The following CYYR1 variants were observed in gnomAD, a reference collection of about 807,000 sequenced individuals.
The protein encoded by CYYR1 is cysteine and tyrosine rich 1, also known as cysteine and tyrosine-rich protein 1.
A neutral mutation model predicts 15.2 loss-of-function variants in CYYR1; 14 were observed. That is an observed-to-expected ratio of 0.92 (90% CI 0.61 to 1.44). The LOEUF (loss-of-function observed/expected upper bound fraction) is 1.44. CYYR1 is among the 40% of genes most tolerant of loss of function. CYYR1 has a pLI of 0.00. For missense variants in CYYR1, 228 were observed against 209.5 expected, an observed-to-expected ratio of 1.09 and a Z score of -0.54; for synonymous variants, 80 against 77.4, an observed-to-expected ratio of 1.03 and a Z score of -0.18.
At chr21:26,482,367 A>C in intron 2 of CYYR1, 1 of 985,338 alleles carries the variant, frequency 1.0e-6, no homozygotes, top group Non-Finnish European at 1.2e-6. Context: ...CATTATCAGT[A>C]GCTTTTTCAT....
At chr21:26,527,363 C>T (rs1383863594) in intron 2 of CYYR1, among the ~76,000 whole-genome samples, 5 of 152,046 alleles carry the variant, frequency 3.3e-5, no homozygotes, top group Non-Finnish European at 7.4e-5. Flanking sequence ...AAATTGATAC[C>T]TTTTAATTCT....
At chr21:26,488,238 C>CTACTTACTTACT (rs370044701) in intron 2 of CYYR1, among the ~76,000 whole-genome samples, 1 of 127,064 alleles carries the variant, frequency 7.9e-6, no homozygotes, top group Non-Finnish European at 1.6e-5. Context: ...ACATCTTCCC[C>CTACTTACTTACT]TACTTCCTTC....
chr21:26,544,079 C>T (rs529500152), intron 2 of CYYR1, among the ~76,000 whole-genome samples: 1 of 152,198 alleles, frequency 6.6e-6, no homozygotes, highest in African/African-American at 2.4e-5. Flanking sequence ...CACTAACATA[C>T]CATTTCTAAC....
intron 2 of CYYR1, among the ~76,000 whole-genome samples, chr21:26,487,812 ATAGT>A (rs2065271140): frequency 6.6e-6 from 1 of 151,956 alleles, no homozygotes. Flanking sequence ...ATAATATCGA[ATAGT>A]TAAATTGTTA....
At chr21:26,480,610 A>G (rs2065166543) in intron 2 of CYYR1, among the ~76,000 whole-genome samples, 181 bp from the exon 3 acceptor site, 1 of 151,804 alleles carries the variant, frequency 6.6e-6, no homozygotes, top group African/African-American at 2.4e-5. Flanking sequence ...GATAAAGCAA[A>G]TAGTCTGTAT....
At chr21:26,562,687 A>T (rs1258306326) in intron 2 of CYYR1, among the ~76,000 whole-genome samples, 1 of 151,512 alleles carries the variant, frequency 6.6e-6, no homozygotes, top group Non-Finnish European at 1.5e-5. Flanking sequence ...CTCTGATCAG[A>T]TTCCATGTTG....
At chr21:26,478,214 C>T in intron 3 of CYYR1, 1 of 1,517,962 alleles carries the variant, frequency 6.6e-7, no homozygotes. Context: ...ATTAAAAGCA[C>T]TCTGGATAAA....
rs1186630807 is a variant in CYYR1 at position 26,466,471 on chromosome 21, A to T, written c.*2030T>A. Reference sequence around the variant, plus strand: ...GGCTTATGGGTTTGTAAAATGCCTTAAGGGAGGCCATAAACAACTCAAAGA... The same window carrying T: ...GGCTTATGGGTTTGTAAAATGCCTTTAGGGAGGCCATAAACAACTCAAAGA... On this transcript the variant is annotated 3_prime_UTR_variant, in exon 4 of 4. Transcript: ENST00000652641. The T allele has an allele frequency of 1.3e-5, 2 of 152,164 alleles. No homozygotes were observed. The highest frequency in any genetic ancestry group is 4.8e-5 in the African/African-American group (2 of 41,446). 9.4% of individuals were successfully genotyped at this position (152,164 alleles called of 1,614,324 possible).
intron 2 of CYYR1, among the ~76,000 whole-genome samples, chr21:26,556,656 G>A (rs1316174683): frequency 6.6e-6 from 1 of 152,114 alleles, no homozygotes; most frequent in Admixed American, 6.6e-5. Flanking sequence ...GACAGTGAAA[G>A]GGGAAGGGCT....
intron 2 of CYYR1, among the ~76,000 whole-genome samples, chr21:26,504,787 C>T (rs1340898668): frequency 6.6e-6 from 1 of 152,138 alleles, no homozygotes; most frequent in African/African-American, 2.4e-5. Flanking sequence ...TTTAACCATC[C>T]TCACCTCCAT....
chr21:26,513,231 C>T lies in CYYR1; in HGVS notation c.177-32802G>A, dbSNP rs529281174. Among the ~76,000 whole-genome samples, 146 of 152,314 alleles carry T rather than the reference C, an allele frequency of 9.6e-4. 1 individual carries two copies. The highest frequency in any genetic ancestry group is 3.3e-3 in the African/African-American group (137 of 41,560). On this transcript the variant is annotated intron_variant, in intron 2 of 3. Coordinates refer to ENST00000652641, the MANE Select transcript of CYYR1 (RefSeq NM_001320768.2). ...CCCTAACACACTTACCATATTCTGC[C>T]TTGTACGATCCTTAGTCTTGCACTC...
intron 3 of CYYR1, among the ~76,000 whole-genome samples, chr21:26,474,365 T>A (rs2065074078): frequency 6.6e-6 from 1 of 151,882 alleles, no homozygotes; most frequent in South Asian, 2.1e-4. Flanking sequence ...CCATGTGTTC[T>A]TTTCTAGCAC....
rs1468430057 is a variant in CYYR1, at chr21:26,573,202, T to C, written c.-262A>G. 2 of 1,441,782 alleles carry C rather than the reference T, an allele frequency of 1.4e-6. No homozygotes were observed. The highest frequency in any genetic ancestry group is 1.8e-6 in the Non-Finnish European group (2 of 1,091,506). 89.3% of individuals were successfully genotyped at this position (1,441,782 alleles called of 1,614,324 possible). ...CCCAGGTCTCTTTGTCTCGCCCCAC[T>C]GCGCTCAGGCGCGGGGAAGGCGGCC... is the stretch of plus-strand genomic sequence containing the variant. On this transcript the variant is annotated 5_prime_UTR_variant, in exon 1 of 4. Transcript: ENST00000652641.
At chr21:26,488,154 A>C (rs2065276210) in intron 2 of CYYR1, among the ~76,000 whole-genome samples, 1 of 152,142 alleles carries the variant, frequency 6.6e-6, no homozygotes, top group African/African-American at 2.4e-5. Flanking sequence ...GACAGAGACA[A>C]TTGTGTAACC....
chr21:26,549,862 ACCCT>A lies in CYYR1; in HGVS notation c.176+16400_176+16403del, dbSNP rs555799853. ...GAAAAAATGCAAATAACTTCATTTT[ACCCT>A]CCGTGTAAGTCAGTATAAACAGATT... On this transcript the variant is annotated intron_variant, in intron 2 of 3. Transcript: ENST00000652641. 9.2e-5 allele frequency among the ~76,000 whole-genome samples: 14 copies of A among 152,272 alleles called. No homozygotes were observed. The East Asian group carries it at 2.7e-3, about 29-fold the overall frequency.
chr21:26,533,054 G>A (rs2123613042), intron 2 of CYYR1, among the ~76,000 whole-genome samples: 1 of 151,472 alleles, frequency 6.6e-6, no homozygotes, highest in African/African-American at 2.4e-5. Context: ...AATACTTCTG[G>A]TCCCATGCAT....
chr21:26,527,179 T>G (rs2123587443), intron 2 of CYYR1, among the ~76,000 whole-genome samples: 1 of 152,288 alleles, frequency 6.6e-6, no homozygotes, highest in South Asian at 2.1e-4. Context: ...TGGAACAAAT[T>G]AGAGCTACAG....
chr21:26,505,540 G>T (rs1033504399), intron 2 of CYYR1, among the ~76,000 whole-genome samples: 5 of 152,228 alleles, frequency 3.3e-5, no homozygotes, highest in African/African-American at 7.2e-5. Flanking sequence ...CCTAAAGGTT[G>T]TTAAGAGAAT....
chr21:26,483,514 C>T (rs1160776494), intron 2 of CYYR1: 1 of 704,040 alleles, frequency 1.4e-6, no homozygotes, highest in Non-Finnish European at 1.7e-6. Context: ...GAGATCAGAC[C>T]ATAGATCTTT....
Sources: allele counts gnomAD v4.1 joint callset (sites outside exome capture counted in the v4.1 genomes callset), GRCh38; gene constraint gnomAD v4.1.1; transcripts MANE v1.5; gene names NCBI Gene and HGNC (gene_info 2026-07-23, HGNC 2026-07-21).